STPG2: variants seen among roughly 807,000 people sequenced by gnomAD.
STPG2 encodes the protein sperm tail PG-rich repeat containing 2.
Under a neutral mutation model 54.2 loss-of-function variants are expected in STPG2, and 56 were observed. That is an observed-to-expected ratio of 1.03 (90% CI 0.83 to 1.29). STPG2 has a LOEUF of 1.29. Among genes scored for constraint, STPG2 ranks in the 50% most tolerant of loss-of-function variants. The pLI, the probability that STPG2 is intolerant of heterozygous loss-of-function variation, is 0.00. For missense variants in STPG2, 596 were observed against 544.9 expected (o/e 1.09, Z -0.93); for synonymous variants, 200 against 181.8 (o/e 1.10, Z -0.81).
chr4:97,886,093 AATACTT>A (rs1196222160), intron 8 of STPG2, among the ~76,000 whole-genome samples: 2 of 152,198 alleles, frequency 1.3e-5, no homozygotes, highest in Non-Finnish European at 2.9e-5. Flanking sequence ...AATACATACT[AATACTT>A]ATAATTCAAC....
intron 5 of STPG2, among the ~76,000 whole-genome samples, chr4:97,995,098 A>G (rs562465947): frequency 6.6e-6 from 1 of 152,144 alleles, no homozygotes; most frequent in Admixed American, 6.5e-5. Flanking sequence ...GCCAGCATCC[A>G]CAGGTCTCAC....
At chr4:97,845,490 C>T (rs6532702) in intron 8 of STPG2, among the ~76,000 whole-genome samples, 93,810 of 151,964 alleles carry the variant, frequency 0.62, 30,277 homozygotes, top group African/African-American at 0.82. Flanking sequence ...AAGTTATTTA[C>T]GTCAATATTT....
intron 4 of STPG2, among the ~76,000 whole-genome samples, chr4:97,456,546 G>A (rs527328210): frequency 7.2e-5 from 11 of 152,124 alleles, no homozygotes; most frequent in African/African-American, 2.7e-4. Flanking sequence ...CCATATTACT[G>A]ACAAAGGAAT....
chr4:97,774,180 C>G (rs1026507164), intron 9 of STPG2, among the ~76,000 whole-genome samples: 1 of 152,092 alleles, frequency 6.6e-6, no homozygotes, highest in East Asian at 1.9e-4. Context: ...TATTCTATTA[C>G]GTATGATATA....
chr4:97,538,336 A>C (rs908073138), intron 4 of STPG2, among the ~76,000 whole-genome samples: 1 of 152,220 alleles, frequency 6.6e-6, no homozygotes, highest in Non-Finnish European at 1.5e-5. Flanking sequence ...CGATGCAGAG[A>C]ACTCCTTAAA....
chr4:97,660,315 A>G (rs1722342909), intron 10 of STPG2, among the ~76,000 whole-genome samples: 1 of 152,154 alleles, frequency 6.6e-6, no homozygotes, highest in Admixed American at 6.5e-5. Context: ...ATGAATCTTT[A>G]TATTATATTG....
chr4:97,770,804 G>A (rs974530295), intron 9 of STPG2, among the ~76,000 whole-genome samples: 1 of 152,174 alleles, frequency 6.6e-6, no homozygotes, highest in Non-Finnish European at 1.5e-5. Context: ...TGGAATTGTC[G>A]CTATTGAGAC....
intron 10 of STPG2, among the ~76,000 whole-genome samples, chr4:97,647,265 T>C (rs1721938761): frequency 6.6e-6 from 1 of 152,136 alleles, no homozygotes; most frequent in Non-Finnish European, 1.5e-5. Flanking sequence ...AATGCTTCAG[T>C]TTCCTTTCCT....
intron 10 of STPG2, among the ~76,000 whole-genome samples, chr4:97,624,215 ACT>A: frequency 6.6e-6 from 1 of 152,318 alleles, no homozygotes; most frequent in East Asian, 1.9e-4. Flanking sequence ...GAGTCACCAC[ACT>A]GTCTTCTACA....
rs192605741 is a variant in STPG2 at position 97,772,068 on chromosome 4, C to A, written c.1205-59254G>T. Among the ~76,000 whole-genome samples, 558 of 152,290 alleles carry A rather than the reference C, an allele frequency of 3.7e-3. 1 individual carries two copies. Among genetic ancestry groups the A allele is most frequent in the Non-Finnish European group, 5.7e-3 (386 of 68,022 alleles). Reference sequence around the variant, plus strand: ...TTCCTCCTGAAATGTCCCTTCAGCACCCTCTGCTGAGAAAACACAACATCA... The same window carrying A: ...TTCCTCCTGAAATGTCCCTTCAGCAACCTCTGCTGAGAAAACACAACATCA... On this transcript the variant is annotated intron_variant, in intron 9 of 10. Transcript: ENST00000295268.
chr4:97,721,885 C>T (rs1724460217), intron 9 of STPG2, among the ~76,000 whole-genome samples: 1 of 151,942 alleles, frequency 6.6e-6, no homozygotes, highest in Non-Finnish European at 1.5e-5. Context: ...CTTTTTAAAA[C>T]ATATATCACT....
At chr4:97,804,695 A>G (rs991317778) in intron 9 of STPG2, among the ~76,000 whole-genome samples, 7 of 152,232 alleles carry the variant, frequency 4.6e-5, no homozygotes, top group Non-Finnish European at 8.8e-5. Context: ...CATTCACTCA[A>G]CATGCACTCA....
intron 6 of STPG2, among the ~76,000 whole-genome samples, chr4:97,977,488 C>A (rs1734537538): frequency 6.6e-6 from 1 of 152,042 alleles, no homozygotes; most frequent in Admixed American, 6.6e-5. Flanking sequence ...GGATTCTGAC[C>A]CTTTTGATTA....
chr4:97,753,064 T>G (rs1252774645), intron 9 of STPG2, among the ~76,000 whole-genome samples: 1 of 151,938 alleles, frequency 6.6e-6, no homozygotes, highest in African/African-American at 2.4e-5. Context: ...TATTTTTCAT[T>G]GTGGTAAAAT....
chr4:97,965,543 T>C (rs1035347312), intron 7 of STPG2, among the ~76,000 whole-genome samples: 2 of 152,116 alleles, frequency 1.3e-5, no homozygotes, highest in Admixed American at 1.3e-4. Flanking sequence ...CCTCCACAAA[T>C]GGGGCCCTGA....
chr4:97,862,251 A>T (rs959441191), intron 8 of STPG2, among the ~76,000 whole-genome samples: 1 of 151,884 alleles, frequency 6.6e-6, no homozygotes, highest in Non-Finnish European at 1.5e-5. Context: ...ATGGAGGAAG[A>T]TCTACCAAGC....
intron 3 of STPG2, among the ~76,000 whole-genome samples, chr4:98,119,487 T>C (rs557208212): frequency 5.6e-4 from 85 of 152,244 alleles, no homozygotes; most frequent in African/African-American, 2.0e-3. Context: ...GACTGAACTC[T>C]GAATCAAAAA....
chr4:97,526,602 A>C (rs1030314855), intron 4 of STPG2, among the ~76,000 whole-genome samples: 9 of 151,824 alleles, frequency 5.9e-5, no homozygotes, highest in African/African-American at 1.5e-4. Flanking sequence ...AGAGTGCAAA[A>C]ATTTTCTCCC....
intron 10 of STPG2, among the ~76,000 whole-genome samples, chr4:97,692,846 T>C (rs999204003): frequency 1.3e-5 from 2 of 152,130 alleles, no homozygotes; most frequent in Admixed American, 6.6e-5. Flanking sequence ...AACAGGAGAT[T>C]TCTAAGCAGA....
Sources: gnomAD v4.1 joint callset for allele counts (sites outside exome capture counted in the v4.1 genomes callset) on GRCh38, gnomAD v4.1.1 for gene constraint, MANE v1.5 for transcripts, NCBI Gene and HGNC (gene_info 2026-07-23, HGNC 2026-07-21) for gene names.